The following ZFHX3 variants were observed in gnomAD, a reference collection of about 807,000 sequenced individuals.
ZFHX3 encodes the protein zinc finger homeobox 3.
Under a neutral mutation model 279.1 loss-of-function variants are expected in ZFHX3, and 42 were observed. The observed-to-expected ratio is 0.15, with a 90% confidence interval of 0.12 to 0.19. The LOEUF is 0.19. ZFHX3 is among the 10% of genes least tolerant of loss of function. The pLI is 1.00. For missense variants in ZFHX3, 4,981 were observed against 4,754.0 expected (o/e 1.05, Z -1.40); for synonymous variants, 2,293 against 1,957.8 (o/e 1.17, Z -4.52).
intron 7 of ZFHX3, among the ~76,000 whole-genome samples, chr16:72,800,754 C>T (rs1280811046): frequency 1.3e-5 from 2 of 152,190 alleles, no homozygotes; most frequent in Non-Finnish European, 2.9e-5. Flanking sequence ...TTGTGACTCA[C>T]TTAAGCCACG....
chr16:73,664,713 C>T (rs1192065036), intron 2 of ZFHX3, among the ~76,000 whole-genome samples: 1 of 152,160 alleles, frequency 6.6e-6, no homozygotes, highest in African/African-American at 2.4e-5. Flanking sequence ...TAAAAACACT[C>T]CTTTGGAAGA....
intron 5 of ZFHX3, among the ~76,000 whole-genome samples, chr16:73,199,566 T>C (rs1027888377): frequency 1.3e-5 from 2 of 152,244 alleles, no homozygotes; most frequent in Middle Eastern, 3.2e-3. Context: ...TCATTACTTA[T>C]TGATTTTTCA....
Position 72,788,502 on chromosome 16 carries a change from C to T in ZFHX3, c.9774G>A (p.Lys3258=). The change falls in exon 10 of 10, where the codon AAG becomes AAA. Residue 3258 remains lysine, a synonymous_variant. Transcript: ENST00000268489. ...CCGTGGGGGCCTCTCCTTTCTCCTTCTTGGGGACAGGCAGGGGTTCCCCTT... is the reference window on the plus strand; with the variant it reads ...CCGTGGGGGCCTCTCCTTTCTCCTTTTTGGGGACAGGCAGGGGTTCCCCTT... ...KGKGEPLPVP[K]KEKGEAPTAT... is the part of the protein sequence containing the mutation. 2 of 1,614,204 alleles carry T rather than the reference C, an allele frequency of 1.2e-6. No homozygotes were observed. The highest frequency in any genetic ancestry group is 1.7e-6 in the Non-Finnish European group (2 of 1,180,020).
chr16:73,329,583 A>G (rs1782878496), intron 3 of ZFHX3, among the ~76,000 whole-genome samples: 1 of 152,266 alleles, frequency 6.6e-6, no homozygotes, highest in African/African-American at 2.4e-5. Flanking sequence ...CTGCTCCAGC[A>G]TCTACAAGCA....
intron 1 of ZFHX3, among the ~76,000 whole-genome samples, chr16:73,860,796 G>A (rs1961861355): frequency 6.6e-6 from 1 of 152,012 alleles, no homozygotes; most frequent in Non-Finnish European, 1.5e-5. Context: ...AAAGACATTA[G>A]CCCAGCTTCA....
chr16:73,174,446 C>T (rs577025633), intron 5 of ZFHX3, among the ~76,000 whole-genome samples: 11 of 152,300 alleles, frequency 7.2e-5, no homozygotes, highest in African/African-American at 2.4e-4. Context: ...GACTCTCTCT[C>T]TTCCCTGTCT....
chr16:73,889,362 T>C (rs1440703294), intron 1 of ZFHX3, among the ~76,000 whole-genome samples: 1 of 152,182 alleles, frequency 6.6e-6, no homozygotes, highest in Non-Finnish European at 1.5e-5. Context: ...CTATTAATAG[T>C]ATCCGTGCAC....
At chr16:73,092,645 C>T (rs774078500) in intron 8 of ZFHX3, 8 of 260,808 alleles carry the variant, frequency 3.1e-5, no homozygotes, top group Non-Finnish European at 5.2e-5. Flanking sequence ...GCGCGAACGC[C>T]GTGTCTGGGG....
At chr16:73,128,295 C>A (rs1303292155) in intron 7 of ZFHX3, among the ~76,000 whole-genome samples, 1 of 152,186 alleles carries the variant, frequency 6.6e-6, no homozygotes, top group Non-Finnish European at 1.5e-5. Flanking sequence ...AAAACAGCAA[C>A]AACAACAAAT....
At chr16:72,914,602 C>A (rs2039395694) in intron 3 of ZFHX3, among the ~76,000 whole-genome samples, 1 of 152,074 alleles carries the variant, frequency 6.6e-6, no homozygotes, top group African/African-American at 2.4e-5. Context: ...GATGTTCTGA[C>A]ATTAAAAAAG....
At chr16:73,516,120 T>A (rs1348013506) in intron 2 of ZFHX3, among the ~76,000 whole-genome samples, 1 of 152,224 alleles carries the variant, frequency 6.6e-6, no homozygotes, top group African/African-American at 2.4e-5. Flanking sequence ...TACCATTCCA[T>A]GAGCTATACA....
At chr16:73,794,205 C>T (rs1227947847) in intron 1 of ZFHX3, 4 of 152,204 alleles carry the variant, frequency 2.6e-5, no homozygotes, top group Non-Finnish European at 5.9e-5. Flanking sequence ...GAAGGAGCTC[C>T]CTCGGTCACC....
At chr16:72,957,029 T>C (rs1304219306) in intron 2 of ZFHX3, among the ~76,000 whole-genome samples, 2 of 152,314 alleles carry the variant, frequency 1.3e-5, no homozygotes, top group South Asian at 2.1e-4. Context: ...AGTCCTCTTA[T>C]TGAAATGATT....
At chr16:73,211,849 G>A (rs890232023) in intron 5 of ZFHX3, among the ~76,000 whole-genome samples, 4 of 151,966 alleles carry the variant, frequency 2.6e-5, no homozygotes, top group Non-Finnish European at 4.4e-5. Flanking sequence ...CAGGGAGGGG[G>A]GTGGCAAGTG....
intron 3 of ZFHX3, among the ~76,000 whole-genome samples, chr16:73,446,016 C>T (rs554731110): frequency 1.1e-4 from 16 of 152,282 alleles, no homozygotes; most frequent in Middle Eastern, 3.4e-3. Context: ...CCTGGGATCA[C>T]CTTACAAATA....
chr16:73,683,009 AAG>A lies in ZFHX3; in HGVS notation c.-1607-2771_-1607-2770del, dbSNP rs376359085. ...AAGAAAGAAAAGAAAGAAAGAAAGA[AAG>A]AGAAAGGAGGGAGGGAGGGAGAAGG... On this transcript the variant is annotated intron_variant, in intron 1 of 17. Transcript: ENST00000641206. Among the ~76,000 whole-genome samples, 421 of 50,998 alleles carry A rather than the reference AAG, an allele frequency of 8.3e-3. 20 individuals carry two copies. Among genetic ancestry groups the A allele is most frequent in the Non-Finnish European group, 0.017 (287 of 17,022 alleles). 33.5% of individuals were successfully genotyped at this position (50,998 alleles called of 152,430 possible).
chr16:73,758,555 G>T (rs2053833870), intron 1 of ZFHX3, among the ~76,000 whole-genome samples: 1 of 152,166 alleles, frequency 6.6e-6, no homozygotes, highest in Non-Finnish European at 1.5e-5. Context: ...CATACCATCT[G>T]GTTGTTGGGG....
chr16:73,298,413 A>C (rs1049039336), intron 4 of ZFHX3, among the ~76,000 whole-genome samples: 3 of 150,690 alleles, frequency 2.0e-5, no homozygotes, highest in African/African-American at 7.3e-5. Context: ...CGAACTCCCG[A>C]CCTCAGGTGC....
At chr16:73,341,862 C>T (rs1032550333) in intron 3 of ZFHX3, among the ~76,000 whole-genome samples, 1 of 152,042 alleles carries the variant, frequency 6.6e-6, no homozygotes, top group Non-Finnish European at 1.5e-5. Flanking sequence ...TGTATAAGTC[C>T]ATTTATACAA....
Sources: gnomAD v4.1 joint callset for allele counts (sites outside exome capture counted in the v4.1 genomes callset) on GRCh38, gnomAD v4.1.1 for gene constraint, MANE v1.5 for transcripts, NCBI Gene and HGNC (gene_info 2026-07-23, HGNC 2026-07-21) for gene names.